CACNA2D3: variants seen among roughly 807,000 people sequenced by gnomAD.
CACNA2D3 encodes voltage-dependent calcium channel subunit alpha-2/delta-3.
Under a neutral mutation model 160.6 loss-of-function variants are expected in CACNA2D3, and 60 were observed. The observed-to-expected ratio is 0.37, with a 90% CI of 0.30 to 0.46. The LOEUF is 0.46. Ranked by LOEUF, CACNA2D3 falls within the 20% of genes least tolerant of loss-of-function variation. The probability of loss-of-function intolerance (pLI) is 1.00; values close to 1 mark genes in which losing one functional copy is unlikely to be tolerated. For missense variants in CACNA2D3, 1,205 were observed against 1,365.0 expected, an observed-to-expected ratio of 0.88 and a Z score of 1.85; for synonymous variants, 558 against 492.9, an observed-to-expected ratio of 1.13 and a Z score of -1.75.
In CACNA2D3 at chr3:54,968,482, C is replaced by A; in HGVS notation, c.2482C>A (p.Gln828Lys). The change falls in exon 28 of 38, where the codon CAA (glutamine) becomes AAA (lysine). Residue 828 changes from glutamine (Q) to lysine (K), a missense_variant. By Grantham distance (53) the Gln-to-Lys change is moderately conservative (BLOSUM62 1). This residue lies in a region of CACNA2D3 where 911 missense variants were observed against 1,002.2 expected (regional missense o/e 0.91). Coordinates refer to ENST00000474759, the MANE Select transcript of CACNA2D3 (RefSeq NM_018398.3). ...VGIQMKLEFF[Q>K]RKFWTASRQC... The stretch of plus-strand genomic sequence containing the variant: ...CATTCAGATGAAACTTGAATTTTTC[C>A]AAAGGAAGTTCTGGACTGCCAGCAG... The A allele has an allele frequency of 6.2e-7, 1 of 1,610,364 alleles. No individual in the cohort carries two copies. The highest frequency in any genetic ancestry group is 1.3e-5 in the African/African-American group (1 of 74,944).
intron 2 of CACNA2D3, among the ~76,000 whole-genome samples, chr3:54,204,138 T>C (rs1701226526): frequency 6.6e-6 from 1 of 152,110 alleles, no homozygotes; most frequent in Non-Finnish European, 1.5e-5. Flanking sequence ...CATTGGGTCC[T>C]CTGATTCTCG....
chr3:54,984,022 C>A (rs1156634815), intron 29 of CACNA2D3, among the ~76,000 whole-genome samples: 1 of 152,130 alleles, frequency 6.6e-6, no homozygotes, highest in Admixed American at 6.5e-5. Context: ...AAATCCAGCT[C>A]CCAATTAAAA....
intron 10 of CACNA2D3, among the ~76,000 whole-genome samples, chr3:54,633,080 T>C (rs1272192349): frequency 6.6e-6 from 1 of 152,090 alleles, no homozygotes; most frequent in Non-Finnish European, 1.5e-5. Flanking sequence ...GCACCACATG[T>C]AAGGAGCACT....
chr3:54,449,568 G>C (rs1700273608), intron 4 of CACNA2D3, among the ~76,000 whole-genome samples: 1 of 152,184 alleles, frequency 6.6e-6, no homozygotes, highest in African/African-American at 2.4e-5. Flanking sequence ...TGTTGGAGGT[G>C]GGGCCTGGTG....
At chr3:54,536,613 G>A (rs1158867955) in intron 5 of CACNA2D3, among the ~76,000 whole-genome samples, 2 of 152,190 alleles carry the variant, frequency 1.3e-5, no homozygotes. Context: ...CTTTGCTGCT[G>A]CTCTGTGAGC....
intron 27 of CACNA2D3, among the ~76,000 whole-genome samples, chr3:54,933,339 C>T (rs1177646249): frequency 6.6e-6 from 1 of 152,200 alleles, no homozygotes; most frequent in East Asian, 1.9e-4. Context: ...TTTCTCTTAT[C>T]ACAGTCTAGT....
intron 11 of CACNA2D3, among the ~76,000 whole-genome samples, chr3:54,720,299 T>G (rs1420643600): frequency 3.3e-5 from 5 of 152,050 alleles, no homozygotes; most frequent in African/African-American, 1.2e-4. Context: ...TAGTGCACTT[T>G]TAGATATCAT....
At chr3:54,875,736 G>T (rs1188410857) in intron 18 of CACNA2D3, 8 of 152,228 alleles carry the variant, frequency 5.3e-5, no homozygotes, top group Non-Finnish European at 1.2e-4. Context: ...ACATTCACCA[G>T]GGGCTCTGGA....
intron 4 of CACNA2D3, among the ~76,000 whole-genome samples, chr3:54,400,625 C>G (rs1575434264): frequency 6.6e-6 from 1 of 152,186 alleles, no homozygotes; most frequent in African/African-American, 2.4e-5. Flanking sequence ...CACCCACAGT[C>G]ATTTCTGACA....
intron 2 of CACNA2D3, among the ~76,000 whole-genome samples, chr3:54,276,572 CAA>C (rs34052239): frequency 0.083 from 9,450 of 114,304 alleles, 362 homozygotes; most frequent in Non-Finnish European, 0.12. Context: ...GACTCTGTCT[CAA>C]AAAAAAAAAA....
At chr3:54,461,562 A>G (rs1269069464) in intron 4 of CACNA2D3, among the ~76,000 whole-genome samples, 9 of 151,510 alleles carry the variant, frequency 5.9e-5, no homozygotes, top group African/African-American at 1.2e-4. Context: ...GTTTATTTGC[A>G]TAGAGGTGTT....
At chr3:54,927,593 T>G (rs1319262745) in intron 27 of CACNA2D3, among the ~76,000 whole-genome samples, 1 of 152,106 alleles carries the variant, frequency 6.6e-6, no homozygotes, top group Non-Finnish European at 1.5e-5. Flanking sequence ...TGTTCATTCT[T>G]TCTTTGGTTC....
At chr3:54,891,329 C>G in intron 24 of CACNA2D3, 26 bp from the exon 25 acceptor site, 3 of 1,559,650 alleles carry the variant, frequency 1.9e-6, no homozygotes, top group Middle Eastern at 1.7e-4. Context: ...AGAGGCCTCC[C>G]CCTGACGTCT....
intron 4 of CACNA2D3, among the ~76,000 whole-genome samples, chr3:54,422,702 G>C (rs1699856539): frequency 6.6e-6 from 1 of 152,270 alleles, no homozygotes; most frequent in East Asian, 1.9e-4. Flanking sequence ...ATGTTGGTAA[G>C]GGCCTGGGGA....
At chr3:54,175,096 A>C (rs1311195372) in intron 2 of CACNA2D3, among the ~76,000 whole-genome samples, 2 of 152,228 alleles carry the variant, frequency 1.3e-5, no homozygotes, top group Non-Finnish European at 2.9e-5. Context: ...TTGAGAGTTC[A>C]GACAATTCAG....
intron 31 of CACNA2D3, among the ~76,000 whole-genome samples, chr3:54,993,698 T>A (rs182584619): frequency 2.0e-5 from 3 of 152,242 alleles, no homozygotes; most frequent in Admixed American, 2.0e-4. Context: ...GACCAAAGGC[T>A]CTTCCCTTGT....
At chr3:54,243,423 T>A (rs1279304121) in intron 2 of CACNA2D3, among the ~76,000 whole-genome samples, 1 of 152,196 alleles carries the variant, frequency 6.6e-6, no homozygotes, top group East Asian at 1.9e-4. Flanking sequence ...CCTTAGCTAT[T>A]CATGACTTTC....
intron 4 of CACNA2D3, among the ~76,000 whole-genome samples, chr3:54,482,035 T>A (rs1448173958): frequency 6.6e-6 from 1 of 152,178 alleles, no homozygotes; most frequent in Non-Finnish European, 1.5e-5. Context: ...GGAAGAAATA[T>A]GCATCAAGAA....
At chr3:54,948,370 T>G (rs1270362631) in intron 27 of CACNA2D3, among the ~76,000 whole-genome samples, 2 of 152,196 alleles carry the variant, frequency 1.3e-5, no homozygotes, top group African/African-American at 2.4e-5. Flanking sequence ...AGAAAAAAAT[T>G]AAAATGCTCC....
Sources: gnomAD v4.1 joint callset for allele counts (sites outside exome capture counted in the v4.1 genomes callset) on GRCh38, gnomAD v4.1.1 for gene constraint, gnomAD v4.1.1 regional missense constraint, MANE v1.5 for transcripts, NCBI Gene and HGNC (gene_info 2026-07-23, HGNC 2026-07-21) for gene names.